Variants in RNF181 observed in about 807,000 individuals in gnomAD.
The protein encoded by RNF181 is E3 ubiquitin-protein ligase RNF181.
A neutral mutation model predicts 23.3 loss-of-function variants in RNF181; 25 were observed. The observed-to-expected ratio is 1.07, with a 90% CI of 0.78 to 1.50. The LOEUF (loss-of-function observed/expected upper bound fraction) is 1.50. RNF181 is among the 40% of genes most tolerant of loss of function. The pLI is 0.00. For missense variants in RNF181, 167 were observed against 191.1 expected (o/e 0.87, Z 0.74); for synonymous variants, 62 against 70.9 (o/e 0.87, Z 0.63).
At position 85,597,183 on chromosome 2, in the gene RNF181, G is replaced by T. The variant is rs1475171746; in HGVS notation, c.402+5G>T. 3.1e-6 allele frequency: 5 copies of T among 1,608,536 alleles called. No individual in the cohort carries two copies. The highest frequency in any genetic ancestry group is 4.3e-6 in the Non-Finnish European group (5 of 1,176,022). ...GAGGAGCACAGACGAGATAAGGTAG[G>T]GGCTGATGCTTAAGTGGAGGGGTCG... On this transcript the variant is annotated splice_donor_5th_base_variant and intron_variant, in intron 4 of 4. Coordinates refer to ENST00000306368, the MANE Select transcript of RNF181 (RefSeq NM_016494.4).
Position 85,596,903 on chromosome 2 carries a change from C to G in RNF181, c.299C>G (p.Ser100Cys). ...IEMPCHHLFH[S>C]SCILPWLSKT... ...ATGCCTTGCCATCACCTTTTCCATT[C>G]CAGCTGCATTCTGCCCTGGCTAAGC... Residue 100 changes from serine (S) to cysteine (C), a missense_variant, in exon 3 of 5, where the codon TCC (serine) becomes TGC (cysteine). Ser to Cys is a moderately radical substitution (Grantham distance 112). Coordinates refer to ENST00000306368, the MANE Select transcript of RNF181 (RefSeq NM_016494.4). 1 of 1,614,242 alleles carries G rather than the reference C, an allele frequency of 6.2e-7. No homozygotes were observed. Among genetic ancestry groups the G allele is most frequent in the Non-Finnish European group, 8.5e-7 (1 of 1,180,048 alleles).
intron 1 of RNF181, 67 bp from the exon 2 acceptor site, chr2:85,596,452 A>G: frequency 1.3e-6 from 2 of 1,496,962 alleles, no homozygotes; most frequent in Non-Finnish European, 1.8e-6. Flanking sequence ...ATTAATGTCC[A>G]GTGGATTATG....
intron 1 of RNF181, 118 bp from the exon 2 acceptor site, chr2:85,596,401 C>T: frequency 1.9e-6 from 2 of 1,058,020 alleles, no homozygotes; most frequent in East Asian, 2.5e-5. Context: ...CTACTAACTA[C>T]TAAGGGTAGC....
intron 4 of RNF181, 86 bp downstream of exon 4, chr2:85,597,264 T>C: frequency 2.2e-6 from 3 of 1,393,996 alleles, no homozygotes; most frequent in Non-Finnish European, 3.0e-6. Flanking sequence ...TCAGCAGGAC[T>C]GGGTAGGCCT....
chr2:85,597,364 C>T, intron 4 of RNF181, 81 bp from the exon 5 acceptor site: 6 of 1,511,038 alleles, frequency 4.0e-6, no homozygotes, highest in Non-Finnish European at 5.3e-6. Flanking sequence ...GAAAACAGAG[C>T]CAGCCCCATA....
In RNF181 at chr2:85,597,594, T is replaced by C. The variant is rs1198054197; in HGVS notation, c.*90T>C. The C allele has an allele frequency of 5.7e-6, 9 of 1,574,336 alleles. No individual in the cohort carries two copies. The highest frequency in any genetic ancestry group is 5.4e-5 in the African/African-American group (4 of 73,454). The stretch of plus-strand genomic sequence containing the variant: ...TTTCTTTACCCACCCTGAGGCTGTA[T>C]TGATCACAGACCTGGCCAGGGGCTC... On this transcript the variant is annotated 3_prime_UTR_variant, in exon 5 of 5. Coordinates refer to ENST00000306368, the MANE Select transcript of RNF181 (RefSeq NM_016494.4).
chr2:85,596,423 C>G, intron 1 of RNF181, 96 bp from the exon 2 acceptor site: 1 of 1,260,404 alleles, frequency 7.9e-7, no homozygotes, highest in Non-Finnish European at 1.1e-6. Flanking sequence ...ATTATTCCTA[C>G]TAGCTGGGCA....
rs568189153 is a variant in RNF181, at chr2:85,596,978, C to T, written c.327+47C>T. ...CTCTCACCGTGCCCTGGGCCCAGTA[C>T]TCAAGCTTCTTTCTGTTCATGGACT... is the stretch of plus-strand genomic sequence containing the variant. On this transcript the variant is annotated intron_variant, in intron 3 of 4. Transcript: ENST00000306368. 1.0e-4 allele frequency: 162 copies of T among 1,614,068 alleles called. 1 individual carries two copies. In the South Asian group the frequency reaches 1.7e-3, roughly 17 times the overall value.
intron 2 of RNF181, 74 bp from the exon 3 acceptor site, chr2:85,596,748 A>G: frequency 1.2e-6 from 2 of 1,609,882 alleles, no homozygotes; most frequent in Non-Finnish European, 1.7e-6. Flanking sequence ...AGGTGGGGGC[A>G]AGTGTCCTTC....
chr2:85,596,190 A>G (rs1416147206), intron 1 of RNF181, among the ~76,000 whole-genome samples: 2 of 152,060 alleles, frequency 1.3e-5, no homozygotes, highest in Non-Finnish European at 2.9e-5. Context: ...ATTCATCAGT[A>G]ACAGCAGGCA....
Position 85,595,774 on chromosome 2 carries a change from A to C in RNF181, c.11A>C (p.Tyr4Ser). ...GAAGGCTGGGCAGCCATGGCGTCCT[A>C]TTTCGATGAACACGACTGCGAGCCG... MAS[Y>S]FDEHDCEPSD... is the part of the protein sequence containing the mutation. Residue 4 changes from tyrosine (Y) to serine (S), a missense_variant, in exon 1 of 5, where the codon TAT becomes TCT. Coordinates refer to ENST00000306368, the MANE Select transcript of RNF181 (RefSeq NM_016494.4). 6.2e-7 allele frequency: 1 copy of C among 1,613,798 alleles called. No homozygotes were observed. Among genetic ancestry groups the C allele is most frequent in the Non-Finnish European group, 8.5e-7 (1 of 1,179,928 alleles).
At position 85,596,589 on chromosome 2, in the gene RNF181, C is replaced by T. The variant is rs1354332957; in HGVS notation, c.157C>T (p.Pro53Ser). Residue 53 changes from proline to serine, a missense_variant, in exon 2 of 5, where the codon CCA becomes TCA. Pro to Ser is a moderately conservative substitution (Grantham distance 74, BLOSUM62 -1). Transcript: ENST00000306368. ...VVDWDHHLPPPAAKTVVENLP... is the reference protein window; with the variant it reads ...VVDWDHHLPPSAAKTVVENLP... ...AGATTGGGACCACCACCTGCCTCCA[C>T]CAGCTGCCAAGACTGTGGTTGAGAA... The T allele has an allele frequency of 6.2e-7, 1 of 1,614,150 alleles. No individual in the cohort carries two copies. The highest frequency in any genetic ancestry group is 2.2e-5 in the East Asian group (1 of 44,882).
At chr2:85,596,226 G>C (rs923429928) in intron 1 of RNF181, among the ~76,000 whole-genome samples, 1 of 152,096 alleles carries the variant, frequency 6.6e-6, no homozygotes, top group Non-Finnish European at 1.5e-5. Flanking sequence ...CTGGAATCTG[G>C]CTTGGTCTTG....
intron 4 of RNF181, 51 bp from the exon 5 acceptor site, chr2:85,597,394 C>G (rs764996632): frequency 6.4e-7 from 1 of 1,573,868 alleles, no homozygotes; most frequent in South Asian, 1.2e-5. Context: ...CATCCCCTCA[C>G]CCATAGGCCT....
rs1418955347 is a variant in RNF181 at position 85,596,949 on chromosome 2, C to G, written c.327+18C>G. On this transcript the variant is annotated intron_variant, in intron 3 of 4. Coordinates refer to ENST00000306368, the MANE Select transcript of RNF181 (RefSeq NM_016494.4). ...TAAGCAAGGTACTGCTTCTCTTCTT[C>G]TAGCTCTCACCGTGCCCTGGGCCCA... is the stretch of plus-strand genomic sequence containing the variant. 4.3e-6 allele frequency: 7 copies of G among 1,614,056 alleles called. No homozygotes were observed. In the Admixed American group the frequency reaches 8.3e-5, roughly 19 times the overall value.
intron 1 of RNF181, 74 bp from the exon 2 acceptor site, chr2:85,596,445 A>T: frequency 6.8e-7 from 1 of 1,461,598 alleles, no homozygotes; most frequent in East Asian, 2.3e-5. Context: ...CGTGTTTATT[A>T]ATGTCCAGTG....
chr2:85,597,363 G>C, intron 4 of RNF181, 82 bp from the exon 5 acceptor site: 1 of 1,513,700 alleles, frequency 6.6e-7, no homozygotes, highest in Non-Finnish European at 8.9e-7. Context: ...TGAAAACAGA[G>C]CCAGCCCCAT....
chr2:85,597,335 A>G, intron 4 of RNF181, 110 bp from the exon 5 acceptor site: 2 of 1,430,578 alleles, frequency 1.4e-6, no homozygotes, highest in Non-Finnish European at 9.5e-7. Flanking sequence ...AGCCTCAGCA[A>G]TGCAGACGCC....
chr2:85,597,164 C>A lies in RNF181; in HGVS notation c.388C>A (p.His130Asn). The A allele has an allele frequency of 6.2e-7, 1 of 1,613,514 alleles. No homozygotes were observed. The highest frequency in any genetic ancestry group is 1.7e-5 in the Admixed American group (1 of 59,978). The change falls in exon 4 of 5, where the codon CAC becomes AAC. Residue 130 changes from histidine to asparagine, a missense_variant. By Grantham distance (68) the His-to-Asn change is moderately conservative. Transcript: ENST00000306368. ...LPTDDDTYEE[H>N]RRDKARKQQQ... The stretch of plus-strand genomic sequence containing the variant: ...CACTGATGACGACACTTATGAGGAG[C>A]ACAGACGAGATAAGGTAGGGGCTGA...
Sources: gnomAD v4.1 joint callset for allele counts (sites outside exome capture counted in the v4.1 genomes callset) on GRCh38, gnomAD v4.1.1 for gene constraint, MANE v1.5 for transcripts, NCBI Gene and HGNC (gene_info 2026-07-23, HGNC 2026-07-21) for gene names.